HECTD4: variants seen among roughly 807,000 people sequenced by gnomAD.
HECTD4 encodes HECT domain E3 ubiquitin protein ligase 4.
Under a neutral mutation model 471.5 loss-of-function variants are expected in HECTD4, and 114 were observed. That is an observed-to-expected ratio of 0.24 (90% CI 0.21 to 0.28). HECTD4 has a LOEUF of 0.28. Ranked by LOEUF, HECTD4 falls within the 10% of genes least tolerant of loss-of-function variation. The probability of loss-of-function intolerance (pLI) is 1.00; values close to 1 mark genes in which losing one functional copy is unlikely to be tolerated. For missense variants in HECTD4, 3,866 were observed against 5,651.5 expected, an observed-to-expected ratio of 0.68 and a Z score of 10.13; for synonymous variants, 2,012 against 2,256.0, an observed-to-expected ratio of 0.89 and a Z score of 3.07.
At position 112,184,867 on chromosome 12, in the gene HECTD4, G is replaced by C. The variant is rs765345130; in HGVS notation, c.10099C>G (p.Leu3367Val). Residue 3367 changes from leucine to valine, a missense_variant, in exon 61 of 76, where the codon CTC (leucine) becomes GTC (valine). Leu to Val is a conservative substitution (Grantham distance 32). Transcript: ENST00000682272. The surrounding 1 kb of genome is among the most constrained non-coding windows in gnomAD (Gnocchi z 9.1). ...AGCCCCTGTGGGTCCTTCCTGGTGA[G>C]GTGGCGGAGGATGATGAGCAGGGTG... ...ALTLLIILRH[L>V]TRKDPQGLGV... is the part of the protein sequence containing the mutation. 1 of 1,608,174 alleles carries C rather than the reference G, an allele frequency of 6.2e-7. No individual in the cohort carries two copies. Among genetic ancestry groups the C allele is most frequent in the South Asian group, 1.1e-5 (1 of 90,652 alleles).
At chr12:112,338,485 G>T (rs998234154) in intron 1 of HECTD4, among the ~76,000 whole-genome samples, 18 of 152,126 alleles carry the variant, frequency 1.2e-4, no homozygotes, top group African/African-American at 4.3e-4. Context: ...GCTAGACATG[G>T]TGGTGCGTGC....
At chr12:112,227,873 A>T (rs1426768451) in intron 43 of HECTD4, among the ~76,000 whole-genome samples, 1 of 152,204 alleles carries the variant, frequency 6.6e-6, no homozygotes, top group Non-Finnish European at 1.5e-5. Flanking sequence ...TTTATTTTGA[A>T]GTGTAGACAT....
chr12:112,208,197 G>A (rs192803409), intron 51 of HECTD4, among the ~76,000 whole-genome samples, 197 bp from the exon 52 acceptor site: 180 of 152,260 alleles, frequency 1.2e-3, no homozygotes, highest in African/African-American at 4.1e-3. Flanking sequence ...CAAGCTCTTC[G>A]TTTCCCTCTA....
chr12:112,221,757 TC>T (rs1274806772), intron 44 of HECTD4, among the ~76,000 whole-genome samples: 1 of 150,814 alleles, frequency 6.6e-6, no homozygotes, highest in South Asian at 2.1e-4. Flanking sequence ...CTTTTTCTTT[TC>T]TTTTTTTTTT....
rs1432544074 is a variant in HECTD4 at position 112,179,477 on chromosome 12, C to T, written c.10988-80G>A. 6 of 1,298,276 alleles carry T rather than the reference C, an allele frequency of 4.6e-6. No homozygotes were observed. Among genetic ancestry groups the T allele is most frequent in the African/African-American group, 1.5e-5 (1 of 68,090 alleles). The allele number at this position is 1,298,276 out of a possible 1,614,324, so 80.4% of individuals were successfully genotyped here. A position where few individuals can be genotyped will look rare whatever the true frequency, so the allele number is the denominator to read the frequency against. On this transcript the variant is annotated intron_variant, in intron 62 of 75. Transcript: ENST00000682272. This position sits in a 1 kb window ranked among gnomAD's most constrained non-coding sequence, Gnocchi z 4.3. Reference sequence around the variant, plus strand: ...GCCCTGCGAGCATTCTGTTTCCAAACACTGTTTGAAAGGGGCAGTGGATGG... The same window carrying T: ...GCCCTGCGAGCATTCTGTTTCCAAATACTGTTTGAAAGGGGCAGTGGATGG...
chr12:112,355,685 G>C (rs529160395), intron 1 of HECTD4, among the ~76,000 whole-genome samples: 143 of 151,086 alleles, frequency 9.5e-4, no homozygotes, highest in African/African-American at 3.1e-3. Flanking sequence ...AATCGCTTGA[G>C]CCCGGGAGGC....
At chr12:112,205,848 C>T (rs1245165287) in intron 52 of HECTD4, among the ~76,000 whole-genome samples, 6 of 152,146 alleles carry the variant, frequency 3.9e-5, no homozygotes, top group Non-Finnish European at 8.8e-5. Context: ...CCTGCCTTGG[C>T]CTTCCAAAGT....
chr12:112,334,679 G>T (rs2035911452), intron 1 of HECTD4, among the ~76,000 whole-genome samples: 1 of 149,384 alleles, frequency 6.7e-6, no homozygotes, highest in South Asian at 2.1e-4. Flanking sequence ...ATGGTGTGGT[G>T]AGTGCCTGTA....
intron 60 of HECTD4, 127 bp downstream of exon 60, chr12:112,190,659 G>A (rs935347953): frequency 5.7e-5 from 42 of 733,494 alleles, no homozygotes; most frequent in Non-Finnish European, 8.6e-5. Context: ...ACAGCAATCT[G>A]AAGGAGGCTG....
intron 70 of HECTD4, among the ~76,000 whole-genome samples, chr12:112,168,447 G>A (rs1283240261): frequency 2.6e-5 from 4 of 152,186 alleles, no homozygotes; most frequent in Non-Finnish European, 2.9e-5. Flanking sequence ...ATCCTCTCCC[G>A]CCGCCATTCA....
intron 1 of HECTD4, among the ~76,000 whole-genome samples, chr12:112,335,678 A>G (rs918021342): frequency 1.3e-5 from 2 of 151,992 alleles, no homozygotes; most frequent in African/African-American, 2.4e-5. Flanking sequence ...ACAGAGTGAG[A>G]CTCTGTCTCA....
At position 112,188,215 on chromosome 12, in the gene HECTD4, G is replaced by C. The variant is rs1209636359; in HGVS notation, c.9472+2571C>G. On this transcript the variant is annotated intron_variant, in intron 60 of 75. Coordinates refer to ENST00000682272, the MANE Select transcript of HECTD4 (RefSeq NM_001388303.1). This position sits in a 1 kb window ranked among gnomAD's most constrained non-coding sequence, Gnocchi z 4.2. ...GGGGCAGGAGAATCACTTGAACCCAGGAGGTGGAAGTTGCAGTGAGCTGAG... is the reference window on the plus strand; with the variant it reads ...GGGGCAGGAGAATCACTTGAACCCACGAGGTGGAAGTTGCAGTGAGCTGAG... Among the ~76,000 whole-genome samples, 1 of 152,186 alleles carries C rather than the reference G, an allele frequency of 6.6e-6. No homozygotes were observed. Among genetic ancestry groups the C allele is most frequent in the Non-Finnish European group, 1.5e-5 (1 of 68,036 alleles).
rs760555364 is a variant in HECTD4, at chr12:112,235,308, T to C, written c.5726-42A>G. 9 of 1,577,110 alleles carry C rather than the reference T, an allele frequency of 5.7e-6. No individual in the cohort carries two copies. In the Admixed American group the frequency reaches 1.3e-4, roughly 23 times the overall value. On this transcript the variant is annotated intron_variant, in intron 36 of 75. Transcript: ENST00000682272. The surrounding 1 kb of genome is among the most constrained non-coding windows in gnomAD (Gnocchi z 5.0). ...AAGCTCATTCAGGAAAACTGCAGTGTTGTTTTGGCGGCTCTGCTAAAATGA... is the reference window on the plus strand; with the variant it reads ...AAGCTCATTCAGGAAAACTGCAGTGCTGTTTTGGCGGCTCTGCTAAAATGA...
At chr12:112,380,234 C>G (rs1055889395) in intron 1 of HECTD4, among the ~76,000 whole-genome samples, 1 of 152,096 alleles carries the variant, frequency 6.6e-6, no homozygotes, top group African/African-American at 2.4e-5. Flanking sequence ...CACTTGAGGT[C>G]AGGAGTTCGA....
chr12:112,360,141 T>C (rs1297757308), intron 1 of HECTD4, among the ~76,000 whole-genome samples: 1 of 152,142 alleles, frequency 6.6e-6, no homozygotes, highest in East Asian at 1.9e-4. Flanking sequence ...AGTATCTAGG[T>C]ATAGGTTTAA....
At chr12:112,241,524 C>T (rs541080837) in intron 32 of HECTD4, among the ~76,000 whole-genome samples, 9 of 152,138 alleles carry the variant, frequency 5.9e-5, no homozygotes, top group Admixed American at 1.3e-4. Flanking sequence ...CAGGGTGGTG[C>T]GATCACAGCT....
intron 60 of HECTD4, among the ~76,000 whole-genome samples, chr12:112,186,742 A>T (rs1232699426): frequency 6.7e-6 from 1 of 149,674 alleles, no homozygotes; most frequent in Non-Finnish European, 1.5e-5. Context: ...ATCTCAGCTC[A>T]CTGCAACCTC....
intron 49 of HECTD4, among the ~76,000 whole-genome samples, chr12:112,212,271 G>A (rs902365661): frequency 1.3e-5 from 2 of 152,216 alleles, no homozygotes; most frequent in African/African-American, 4.8e-5. Flanking sequence ...AGGCAATGAA[G>A]CACTAAGTTC....
At chr12:112,259,553 CTT>C (rs961236452) in intron 18 of HECTD4, among the ~76,000 whole-genome samples, 20 of 129,602 alleles carry the variant, frequency 1.5e-4, no homozygotes, top group African/African-American at 5.1e-4. Flanking sequence ...GGCTCTCACT[CTT>C]GTTACCCAGG....
Sources: gnomAD v4.1 joint callset for allele counts (sites outside exome capture counted in the v4.1 genomes callset) on GRCh38, gnomAD v4.1.1 for gene constraint, Gnocchi (gnomAD v3.1) non-coding constraint, MANE v1.5 for transcripts, NCBI Gene and HGNC (gene_info 2026-07-23, HGNC 2026-07-21) for gene names.